The following ZC3H11A variants were observed in gnomAD, a reference collection of about 807,000 sequenced individuals.
ZC3H11A encodes the protein zinc finger CCCH-type containing 11A.
In ZC3H11A, 22 loss-of-function variants were observed where a neutral mutation model predicts 90.8. The ratio of observed to expected loss-of-function variants is 0.24; its 90% CI spans 0.17 to 0.35. The LOEUF is 0.35. Ranked by LOEUF, ZC3H11A falls within the 10% of genes least tolerant of loss-of-function variation. The probability of loss-of-function intolerance (pLI) is 1.00; values close to 1 mark genes in which losing one functional copy is unlikely to be tolerated. For missense variants in ZC3H11A, 701 were observed against 964.9 expected (o/e 0.73, Z 3.62); for synonymous variants, 294 against 339.8 (o/e 0.87, Z 1.48).
chr1:203,808,662 G>A (rs888088213), intron 2 of ZC3H11A, among the ~76,000 whole-genome samples: 5 of 152,054 alleles, frequency 3.3e-5, no homozygotes, highest in Non-Finnish European at 7.3e-5. Context: ...TGGAGATGTC[G>A]TGTCAGTAAT....
intron 11 of ZC3H11A, 29 bp from the exon 12 acceptor site, chr1:203,840,277 T>C (rs1416915918): frequency 8.1e-6 from 13 of 1,609,330 alleles, no homozygotes; most frequent in East Asian, 2.2e-5. Context: ...TGTTCAACTT[T>C]TGATTTTTGA....
At chr1:203,835,889 C>G (rs1457679652) in intron 10 of ZC3H11A, 1 of 243,412 alleles carries the variant, frequency 4.1e-6, no homozygotes, top group Non-Finnish European at 8.9e-6. Flanking sequence ...CAAAAATGCC[C>G]TTGGACCACA....
intron 2 of ZC3H11A, among the ~76,000 whole-genome samples, chr1:203,805,353 G>A (rs892046919): frequency 4.0e-5 from 6 of 151,762 alleles, no homozygotes; most frequent in Non-Finnish European, 8.8e-5. Flanking sequence ...GGCTGGTCTC[G>A]AACTTCTGAC....
chr1:203,806,356 A>G, intron 2 of ZC3H11A: 1 of 208,986 alleles, frequency 4.8e-6, no homozygotes, highest in Non-Finnish European at 9.6e-6. Context: ...GCTGGAGTTC[A>G]AGTGGCATAA....
At chr1:203,835,809 G>A (rs1272099812) in intron 10 of ZC3H11A, 7 of 239,550 alleles carry the variant, frequency 2.9e-5, no homozygotes, top group South Asian at 6.9e-5. Flanking sequence ...TTCATCTGGG[G>A]CATAAACACC....
rs548678814 is a variant in ZC3H11A at position 203,847,437 on chromosome 1, C to G, written c.1296C>G (p.Ile432Met). The G allele has an allele frequency of 6.2e-7, 1 of 1,613,926 alleles. No individual in the cohort carries two copies. Among genetic ancestry groups the G allele is most frequent in the East Asian group, 2.2e-5 (1 of 44,892 alleles). Residue 432 changes from isoleucine to methionine, a missense_variant, in exon 13 of 18, where the codon ATC (isoleucine) becomes ATG (methionine). Ile to Met is a conservative substitution (Grantham distance 10). This residue lies in a region of ZC3H11A where 530 missense variants were observed against 696.2 expected (regional missense o/e 0.76). Transcript: ENST00000367210. ...AAAGCAAAAAGGATACAACTTGCAT[C>G]AAGCTAAAGATTGATAGTGAAATTA... Reference protein sequence around the residue: ...RQKSKKDTTCIKLKIDSEIKK... With the variant: ...RQKSKKDTTCMKLKIDSEIKK...
chr1:203,805,706 C>G, intron 2 of ZC3H11A: 1 of 662,124 alleles, frequency 1.5e-6, no homozygotes, highest in Non-Finnish European at 2.9e-6. Context: ...TCTGGAATTG[C>G]AGGTGCAGAT....
intron 17 of ZC3H11A, 112 bp from the exon 18 acceptor site, chr1:203,852,029 T>G: frequency 9.5e-7 from 1 of 1,054,430 alleles, no homozygotes; most frequent in Non-Finnish European, 1.4e-6. Flanking sequence ...AATTATTTCT[T>G]TATGTATGTT....
Position 203,833,739 on chromosome 1 carries a change from G to A in ZC3H11A, c.812-52G>A, listed in dbSNP as rs371768703. 5.2e-6 allele frequency: 8 copies of A among 1,531,244 alleles called. No homozygotes were observed. In the African/African-American group the frequency reaches 8.4e-5, roughly 16 times the overall value. The allele number at this position is 1,531,244 out of a possible 1,614,324, so 94.9% of individuals were successfully genotyped here. A position where few individuals can be genotyped will look rare whatever the true frequency, so the allele number is the denominator to read the frequency against. ...TACTTTGTACCCATTAGTAGTTACT[G>A]AATACAGAAAAATTGACTAAGGATA... On this transcript the variant is annotated intron_variant, in intron 9 of 17. Coordinates refer to ENST00000367210, the MANE Select transcript of ZC3H11A (RefSeq NM_001376342.1).
intron 2 of ZC3H11A, among the ~76,000 whole-genome samples, chr1:203,807,586 A>T (rs1245814423): frequency 6.6e-6 from 1 of 151,638 alleles, no homozygotes; most frequent in Non-Finnish European, 1.5e-5. Context: ...GAGTGCAGTG[A>T]TGTGATCATA....
At position 203,849,833 on chromosome 1, in the gene ZC3H11A, G is replaced by A; in HGVS notation, c.1746G>A (p.Arg582=). 6.2e-7 allele frequency: 1 copy of A among 1,614,020 alleles called. No individual in the cohort carries two copies. The highest frequency in any genetic ancestry group is 1.1e-5 in the South Asian group (1 of 91,076). The change falls in exon 15 of 18, where the codon CGG becomes CGA. Residue 582 remains arginine, a synonymous_variant. Coordinates refer to ENST00000367210, the MANE Select transcript of ZC3H11A (RefSeq NM_001376342.1). The part of the protein sequence containing the change: ...EREKSVLTPL[R]GDVASCNTQV... ...AAAAATCAGTCTTGACACCTCTTCG[G>A]GGAGATGTAGCCTCTTGCAATACCC...
chr1:203,797,401 GA>G (rs1668903874), intron 1 of ZC3H11A: 1 of 957,116 alleles, frequency 1.0e-6, no homozygotes, highest in Admixed American at 3.4e-5. Context: ...GGTCCAGTGG[GA>G]ATTTGATTCC....
intron 5 of ZC3H11A, 50 bp from the exon 6 acceptor site, chr1:203,829,400 GT>G (rs765162072): frequency 2.6e-4 from 415 of 1,600,870 alleles, no homozygotes; most frequent in Non-Finnish European, 3.4e-4. Flanking sequence ...TTTTTGGTAA[GT>G]TGGGGTTGTA....
intron 12 of ZC3H11A, among the ~76,000 whole-genome samples, chr1:203,846,474 A>G (rs1687941554): frequency 6.6e-6 from 1 of 152,160 alleles, no homozygotes; most frequent in Non-Finnish European, 1.5e-5. Context: ...CCTTGTAGAC[A>G]AGTGTAGGTG....
intron 15 of ZC3H11A, 141 bp downstream of exon 15, chr1:203,850,167 A>G (rs1210071075): frequency 1.3e-6 from 1 of 749,234 alleles, no homozygotes; most frequent in Non-Finnish European, 2.2e-6. Context: ...TATTTCTGAT[A>G]TTTTTATACA....
At chr1:203,812,329 A>G (rs1362255815) in intron 2 of ZC3H11A, among the ~76,000 whole-genome samples, 3 of 151,960 alleles carry the variant, frequency 2.0e-5, no homozygotes, top group Admixed American at 6.6e-5. Flanking sequence ...TATGTGTCCA[A>G]GTGTTCTCAG....
intron 10 of ZC3H11A, 36 bp downstream of exon 10, chr1:203,833,889 C>G (rs1461401790): frequency 3.2e-5 from 50 of 1,578,268 alleles, no homozygotes; most frequent in Non-Finnish European, 4.3e-5. Flanking sequence ...TTCTTTTCTA[C>G]TTGTTTGTGC....
chr1:203,827,621 G>T (rs992687460), intron 4 of ZC3H11A, among the ~76,000 whole-genome samples: 5 of 151,634 alleles, frequency 3.3e-5, no homozygotes, highest in Admixed American at 2.0e-4. Flanking sequence ...GGCGGAGCTT[G>T]CAGTGAGCGG....
Position 203,828,393 on chromosome 1 carries a change from T to A in ZC3H11A, c.269T>A (p.Val90Asp). Reference sequence around the variant, plus strand: ...TTCCATCACAATAGAGGACGATATGTTGATGGCCTTTTCCTACCTCCGAGC... The same window carrying A: ...TTCCATCACAATAGAGGACGATATGATGATGGCCTTTTCCTACCTCCGAGC... Reference protein sequence around the residue: ...CAFHHNRGRYVDGLFLPPSKT... With the variant: ...CAFHHNRGRYDDGLFLPPSKT... Residue 90 changes from valine (V) to aspartate (D), a missense_variant, in exon 5 of 18, where the codon GTT becomes GAT. Around this residue, in one of 4 missense-constraint regions of ZC3H11A, gnomAD observed 59 missense variants for 132.8 expected, o/e 0.44. Transcript: ENST00000367210. 6.2e-7 allele frequency: 1 copy of A among 1,613,660 alleles called. No homozygotes were observed. Among genetic ancestry groups the A allele is most frequent in the Non-Finnish European group, 8.5e-7 (1 of 1,179,762 alleles).
Sources: gnomAD v4.1 joint callset for allele counts (sites outside exome capture counted in the v4.1 genomes callset) on GRCh38, gnomAD v4.1.1 for gene constraint, gnomAD v4.1.1 regional missense constraint, MANE v1.5 for transcripts, NCBI Gene and HGNC (gene_info 2026-07-23, HGNC 2026-07-21) for gene names.